The following DNER variants were observed in gnomAD, a reference collection of about 807,000 sequenced individuals.
The protein encoded by DNER is delta/notch like EGF repeat containing.
Under a neutral mutation model 78.2 loss-of-function variants are expected in DNER, and 33 were observed. The observed-to-expected ratio is 0.42, with a 90% confidence interval of 0.32 to 0.56. The LOEUF is 0.56. DNER is among the 20% of genes least tolerant of loss of function. The probability of loss-of-function intolerance (pLI) is 0.11; values close to 1 mark genes in which losing one functional copy is unlikely to be tolerated. For synonymous variants in DNER, 417 were observed against 384.8 expected (o/e 1.08, Z -0.98); for missense variants, 918 against 975.3 (o/e 0.94, Z 0.78).
chr2:229,649,180 T>C (rs1246384882), intron 1 of DNER, among the ~76,000 whole-genome samples: 1 of 152,238 alleles, frequency 6.6e-6, no homozygotes, highest in Non-Finnish European at 1.5e-5. Context: ...TTCACCATCA[T>C]TCAGGATTTA....
intron 4 of DNER, among the ~76,000 whole-genome samples, chr2:229,553,100 C>A (rs975470363): frequency 1.3e-5 from 2 of 152,118 alleles, no homozygotes; most frequent in Non-Finnish European, 1.5e-5. Context: ...TAAATGGGGG[C>A]CATCCTAGGG....
At position 229,714,136 on chromosome 2, in the gene DNER, G is replaced by T. The variant is rs1446890350; in HGVS notation, c.276+12C>A. 6.2e-6 allele frequency: 8 copies of T among 1,296,978 alleles called. No homozygotes were observed. The highest frequency in any genetic ancestry group is 7.8e-6 in the Non-Finnish European group (8 of 1,022,558). The allele number at this position is 1,296,978 out of a possible 1,614,324, so 80.3% of individuals were successfully genotyped here. The stretch of plus-strand genomic sequence containing the variant: ...ACCAGCGCCCCGCACCGCGCCCGCC[G>T]CTTCCACTCACCTGGCAGTTGGCGC... On this transcript the variant is annotated intron_variant, in intron 1 of 12. Transcript: ENST00000341772.
intron 1 of DNER, among the ~76,000 whole-genome samples, chr2:229,705,857 T>A (rs1219490051): frequency 1.3e-5 from 2 of 152,190 alleles, no homozygotes; most frequent in African/African-American, 4.8e-5. Flanking sequence ...AGTAACTCAG[T>A]TAAGATGCTC....
chr2:229,404,920 A>G (rs1693347764), intron 10 of DNER, among the ~76,000 whole-genome samples: 2 of 8,588 alleles, frequency 2.3e-4, no homozygotes, highest in Non-Finnish European at 0.019. Flanking sequence ...CAAGACCTCA[A>G]TATGTAATTA....
intron 1 of DNER, among the ~76,000 whole-genome samples, chr2:229,656,985 CGT>C (rs1417445603): frequency 7.4e-5 from 11 of 148,826 alleles, no homozygotes; most frequent in African/African-American, 2.5e-4. Context: ...ACAGTTACCA[CGT>C]GTGTGTGTGT....
intron 1 of DNER, among the ~76,000 whole-genome samples, chr2:229,664,344 T>C (rs1261001995): frequency 2.0e-5 from 3 of 152,084 alleles, no homozygotes; most frequent in African/African-American, 4.8e-5. Context: ...ATCCAGGGCA[T>C]CAAGAATGGT....
In DNER at chr2:229,440,108, T is replaced by C. The variant is rs1574844110; in HGVS notation, c.1486+7208A>G. 2.6e-5 allele frequency among the ~76,000 whole-genome samples: 4 copies of C among 152,292 alleles called. No homozygotes were observed. In the East Asian group the frequency reaches 5.8e-4, roughly 22 times the overall value. On this transcript the variant is annotated intron_variant, in intron 8 of 12. Coordinates refer to ENST00000341772, the MANE Select transcript of DNER (RefSeq NM_139072.4). ...CAGCCTTGTGAATAGATTTGTAATA[T>C]CAGGAATCTCATAAAAATTTCATGC...
intron 4 of DNER, among the ~76,000 whole-genome samples, chr2:229,560,785 G>A (rs925943916): frequency 3.9e-5 from 6 of 152,088 alleles, no homozygotes; most frequent in Non-Finnish European, 8.8e-5. Context: ...ATGATTACAC[G>A]AGGCTTACTA....
chr2:229,478,126 A>G (rs1695075409), intron 6 of DNER, among the ~76,000 whole-genome samples: 5 of 152,218 alleles, frequency 3.3e-5, no homozygotes, highest in Admixed American at 3.3e-4. Context: ...AAAGAAAAAA[A>G]TGTGCCCTTG....
chr2:229,623,063 C>G (rs1359932726), intron 1 of DNER, among the ~76,000 whole-genome samples: 1 of 152,144 alleles, frequency 6.6e-6, no homozygotes, highest in African/African-American at 2.4e-5. Flanking sequence ...CTAGGTCTTT[C>G]CAGCATGTTT....
At chr2:229,617,137 CAAT>C (rs1475279477) in intron 1 of DNER, among the ~76,000 whole-genome samples, 2 of 152,134 alleles carry the variant, frequency 1.3e-5, no homozygotes, top group Non-Finnish European at 2.9e-5. Context: ...ATTAGCTCTA[CAAT>C]GAGTAAAAAT....
rs1252044036 is a variant in DNER, at chr2:229,714,466, ACGG to A, written c.-46_-44del. 6.4e-6 allele frequency: 7 copies of A among 1,100,086 alleles called. No homozygotes were observed. The highest frequency in any genetic ancestry group is 1.2e-4 in the East Asian group (2 of 17,068). 68.1% of individuals were successfully genotyped at this position (1,100,086 alleles called of 1,614,324 possible). A position where few individuals can be genotyped will look rare whatever the true frequency, so the allele number is the denominator to read the frequency against. On this transcript the variant is annotated 5_prime_UTR_variant, in exon 1 of 13. Coordinates refer to ENST00000341772, the MANE Select transcript of DNER (RefSeq NM_139072.4). ...CGGGAGCCGGAGCCAGGACGCAGTG[ACGG>A]CGGCGGCGGTGGCAGTGGCGACGAG...
intron 10 of DNER, among the ~76,000 whole-genome samples, chr2:229,405,850 C>G (rs1693367667): frequency 6.6e-6 from 1 of 152,026 alleles, no homozygotes. Flanking sequence ...AATTTTCCTT[C>G]TATGCTTTTT....
chr2:229,710,215 T>C (rs1024387723), intron 1 of DNER, among the ~76,000 whole-genome samples: 2 of 152,190 alleles, frequency 1.3e-5, no homozygotes, highest in African/African-American at 4.8e-5. Context: ...TCATACAAGC[T>C]CATTTAGAGC....
At chr2:229,395,036 A>G (rs996136970) in intron 10 of DNER, among the ~76,000 whole-genome samples, 1 of 152,000 alleles carries the variant, frequency 6.6e-6, no homozygotes, top group Non-Finnish European at 1.5e-5. Flanking sequence ...AGGTACCTCT[A>G]TTTTTCTTTA....
chr2:229,390,138 G>C (rs1314887636), intron 10 of DNER, among the ~76,000 whole-genome samples: 1 of 152,180 alleles, frequency 6.6e-6, no homozygotes, highest in Non-Finnish European at 1.5e-5. Context: ...AACCATCTAG[G>C]AAGATAAGTG....
At chr2:229,684,863 T>G (rs1699458067) in intron 1 of DNER, among the ~76,000 whole-genome samples, 1 of 152,316 alleles carries the variant, frequency 6.6e-6, no homozygotes, top group East Asian at 1.9e-4. Flanking sequence ...GTTTTCCAAA[T>G]GAAACTAATT....
intron 1 of DNER, among the ~76,000 whole-genome samples, chr2:229,706,906 G>T (rs1254857211): frequency 1.3e-5 from 2 of 151,854 alleles, no homozygotes; most frequent in Non-Finnish European, 2.9e-5. Flanking sequence ...ATTTTTTTTT[G>T]ACCACTTAAA....
At chr2:229,544,684 C>G (rs1696585148) in intron 5 of DNER, among the ~76,000 whole-genome samples, 2 of 151,910 alleles carry the variant, frequency 1.3e-5, no homozygotes, top group African/African-American at 4.8e-5. Context: ...AGGTGCCCAC[C>G]ACCACGCCTG....
Sources: gnomAD v4.1 joint callset for allele counts (sites outside exome capture counted in the v4.1 genomes callset) on GRCh38, gnomAD v4.1.1 for gene constraint, MANE v1.5 for transcripts, NCBI Gene and HGNC (gene_info 2026-07-23, HGNC 2026-07-21) for gene names.